Variants in NUGGC observed in about 807,000 individuals in gnomAD.
NUGGC encodes nuclear GTPase SLIP-GC.
In NUGGC, 58 loss-of-function variants were observed where a neutral mutation model predicts 92.6. The observed-to-expected ratio is 0.63, with a 90% CI of 0.51 to 0.78. NUGGC has a LOEUF of 0.78. Among genes scored for constraint, NUGGC ranks in the 30% least tolerant of loss-of-function variants. NUGGC has a pLI of 0.00. For missense variants in NUGGC, 925 were observed against 964.6 expected (o/e 0.96, Z 0.54); for synonymous variants, 376 against 366.4 (o/e 1.03, Z -0.30).
At chr8:28,042,739 C>G (rs1164162289) in intron 12 of NUGGC, among the ~76,000 whole-genome samples, 1 of 152,190 alleles carries the variant, frequency 6.6e-6, no homozygotes. Flanking sequence ...GCACAGAGAG[C>G]AAAACCCATA....
chr8:28,058,650 C>A (rs1241965975), intron 8 of NUGGC, among the ~76,000 whole-genome samples: 1 of 152,140 alleles, frequency 6.6e-6, no homozygotes, highest in African/African-American at 2.4e-5. Context: ...GAATCCACAG[C>A]CCCTACCTAT....
At chr8:28,043,345 C>A (rs1416076637) in intron 12 of NUGGC, among the ~76,000 whole-genome samples, 1 of 152,120 alleles carries the variant, frequency 6.6e-6, no homozygotes, top group Admixed American at 6.5e-5. Flanking sequence ...ATAATGATTG[C>A]TCATTTAAAA....
chr8:28,053,517 A>T (rs560073396), intron 10 of NUGGC, among the ~76,000 whole-genome samples: 1 of 152,114 alleles, frequency 6.6e-6, no homozygotes, highest in Non-Finnish European at 1.5e-5. Flanking sequence ...AACGGCATGT[A>T]GTACAAGTAA....
chr8:28,036,275 CCTT>C (rs1184339064), intron 13 of NUGGC, among the ~76,000 whole-genome samples: 4 of 152,176 alleles, frequency 2.6e-5, no homozygotes, highest in Non-Finnish European at 4.4e-5. Flanking sequence ...TACACGATTT[CCTT>C]CTTCTGCTAC....
rs769567777 is a variant in NUGGC at position 28,056,094 on chromosome 8, G to A, written c.1117-40C>T. On this transcript the variant is annotated intron_variant, in intron 9 of 18. Transcript: ENST00000413272. ...GAAATAGAAGCATGCAGAGAGTAGC[G>A]TTATCAACAGTGATGAGGTGGCAAG... 84 of 1,150,094 alleles carry A rather than the reference G, an allele frequency of 7.3e-5. 1 individual carries two copies. Among genetic ancestry groups the A allele is most frequent in the South Asian group, 4.5e-4 (32 of 71,788 alleles). 71.2% of individuals were successfully genotyped at this position (1,150,094 alleles called of 1,614,324 possible).
chr8:28,040,479 G>C (rs1046971551), intron 13 of NUGGC, among the ~76,000 whole-genome samples: 1 of 152,128 alleles, frequency 6.6e-6, no homozygotes, highest in African/African-American at 2.4e-5. Flanking sequence ...GTGGATGTTT[G>C]GTGGAGCTGG....
At chr8:28,056,595 T>C (rs772711966) in intron 9 of NUGGC, among the ~76,000 whole-genome samples, 3 of 151,712 alleles carry the variant, frequency 2.0e-5, no homozygotes, top group Non-Finnish European at 4.4e-5. Context: ...TTTGCAACAA[T>C]CTGAAAAAAC....
intron 12 of NUGGC, among the ~76,000 whole-genome samples, chr8:28,044,639 A>G (rs955418139): frequency 6.6e-5 from 10 of 152,228 alleles, no homozygotes. Context: ...GCTGATTGTT[A>G]CAGAGTTATT....
chr8:28,063,632 T>A (rs907883523), intron 7 of NUGGC, among the ~76,000 whole-genome samples: 10 of 152,158 alleles, frequency 6.6e-5, no homozygotes, highest in South Asian at 2.1e-4. Flanking sequence ...GGCTGTGTGG[T>A]CCTGGACAAG....
chr8:28,069,673 T>C, intron 3 of NUGGC, 21 bp from the exon 4 acceptor site: 1 of 1,368,858 alleles, frequency 7.3e-7, no homozygotes, highest in Non-Finnish European at 1.0e-6. Context: ...CAGAGAGATG[T>C]CACCTGCAGG....
At chr8:28,061,352 G>C (rs1392932330) in intron 7 of NUGGC, among the ~76,000 whole-genome samples, 1 of 152,138 alleles carries the variant, frequency 6.6e-6, no homozygotes, top group African/African-American at 2.4e-5. Flanking sequence ...TTCACATGAC[G>C]ATCATGTGTA....
intron 13 of NUGGC, among the ~76,000 whole-genome samples, chr8:28,035,144 C>A (rs1474917343): frequency 6.6e-6 from 1 of 152,216 alleles, no homozygotes; most frequent in Non-Finnish European, 1.5e-5. Context: ...AGCAAACTCT[C>A]AACAGGGTGA....
intron 8 of NUGGC, among the ~76,000 whole-genome samples, chr8:28,060,126 T>G (rs903931703): frequency 2.0e-5 from 3 of 151,954 alleles, no homozygotes; most frequent in African/African-American, 7.3e-5. Context: ...GATCATCACA[T>G]CACACAGTGC....
chr8:28,055,619 G>A (rs1810113390), intron 10 of NUGGC, among the ~76,000 whole-genome samples: 1 of 152,202 alleles, frequency 6.6e-6, no homozygotes, highest in East Asian at 1.9e-4. Context: ...GATCACTTGA[G>A]CCCAGGAGTT....
chr8:28,023,523 A>G, intron 18 of NUGGC, 61 bp from the exon 19 acceptor site: 1 of 1,516,238 alleles, frequency 6.6e-7, no homozygotes, highest in Non-Finnish European at 9.0e-7. Context: ...CGTCTCCAGA[A>G]AGCAAATCCC....
At chr8:28,025,216 G>A (rs934637902) in intron 18 of NUGGC, among the ~76,000 whole-genome samples, 1 of 152,192 alleles carries the variant, frequency 6.6e-6, no homozygotes, top group East Asian at 1.9e-4. Context: ...GTCTTACAAC[G>A]CACATTCTTA....
intron 1 of NUGGC, among the ~76,000 whole-genome samples, chr8:28,079,976 A>G (rs1345632030): frequency 2.0e-5 from 3 of 151,988 alleles, no homozygotes; most frequent in African/African-American, 2.4e-5. Flanking sequence ...TTTTTGCTCT[A>G]TCGCCCAGGC....
chr8:28,030,153 C>A (rs565533317), intron 16 of NUGGC, among the ~76,000 whole-genome samples, 157 bp downstream of exon 16: 1 of 152,286 alleles, frequency 6.6e-6, no homozygotes, highest in South Asian at 2.1e-4. Flanking sequence ...GGTCCTCACA[C>A]CCTGCAGTCA....
chr8:28,051,127 T>C (rs1346177796), intron 10 of NUGGC, among the ~76,000 whole-genome samples: 1 of 152,128 alleles, frequency 6.6e-6, no homozygotes, highest in East Asian at 1.9e-4. Context: ...CCTGGCCCAA[T>C]TATTATTTTT....
Sources: gnomAD v4.1 joint callset for allele counts (sites outside exome capture counted in the v4.1 genomes callset) on GRCh38, gnomAD v4.1.1 for gene constraint, MANE v1.5 for transcripts, NCBI Gene and HGNC (gene_info 2026-07-23, HGNC 2026-07-21) for gene names.